The following ASB15 variants were observed in gnomAD, a reference collection of about 807,000 sequenced individuals.
ASB15 encodes ankyrin repeat and SOCS box protein 15.
A neutral mutation model predicts 58.0 loss-of-function variants in ASB15; 54 were observed. The observed-to-expected ratio is 0.93, with a 90% CI of 0.75 to 1.17. The LOEUF (loss-of-function observed/expected upper bound fraction) is 1.17, where lower values mean the gene tolerates loss of function less well. ASB15 is among the 50% of genes most tolerant of loss of function. The pLI is 0.00. For missense variants in ASB15, 680 were observed against 707.4 expected (o/e 0.96, Z 0.44); for synonymous variants, 249 against 262.4 (o/e 0.95, Z 0.50).
chr7:123,637,682 T>A lies in ASB15; in HGVS notation c.*701T>A, dbSNP rs538642122. The A allele has an allele frequency of 6.6e-6, 1 of 152,034 alleles. No individual in the cohort carries two copies. The highest frequency in any genetic ancestry group is 1.9e-4 in the East Asian group (1 of 5,170). 9.4% of individuals were successfully genotyped at this position (152,034 alleles called of 1,614,324 possible). A position where few individuals can be genotyped will look rare whatever the true frequency, so the allele number is the denominator to read the frequency against. ...TCTTCTCTTTGTTCTTTAAGTTATA[T>A]ATCCTAAGCCCTCTTTGCTTTGTTC... is the stretch of plus-strand genomic sequence containing the variant. On this transcript the variant is annotated 3_prime_UTR_variant, in exon 12 of 12. Transcript: ENST00000451215.
upstream of ASB15, among the ~76,000 whole-genome samples, chr7:123,598,070 T>A (rs1360205557): frequency 6.6e-6 from 1 of 151,908 alleles, no homozygotes; most frequent in Admixed American, 6.6e-5. Context: ...GTCCCACCCA[T>A]CATGACACTC....
chr7:123,630,321 A>G (rs762402499), intron 11 of ASB15, among the ~76,000 whole-genome samples: 10 of 152,218 alleles, frequency 6.6e-5, no homozygotes, highest in Non-Finnish European at 1.3e-4. Context: ...TTGTAATTGT[A>G]TAATGAGTAA....
At chr7:123,597,781 A>C (rs891577123), upstream of ASB15, among the ~76,000 whole-genome samples, 1 of 152,156 alleles carries the variant, frequency 6.6e-6, no homozygotes, top group Non-Finnish European at 1.5e-5. Flanking sequence ...CAGTGAGCTG[A>C]GATCGCACCA....
intron 10 of ASB15, 110 bp from the exon 11 acceptor site, chr7:123,629,856 G>T (rs559025659): frequency 6.1e-6 from 5 of 813,456 alleles, no homozygotes; most frequent in Non-Finnish European, 9.3e-6. Context: ...TACAAGGAGA[G>T]ATCTTTTATT....
intron 1 of ASB15, among the ~76,000 whole-genome samples, chr7:123,595,718 A>G (rs553478914): frequency 1.3e-5 from 2 of 152,184 alleles, no homozygotes; most frequent in Admixed American, 1.3e-4. Context: ...ACATTCATCT[A>G]CTTCTCTGGA....
chr7:123,593,223 C>T (rs551941445), intron 1 of ASB15, among the ~76,000 whole-genome samples: 1 of 152,210 alleles, frequency 6.6e-6, no homozygotes, highest in South Asian at 2.1e-4. Context: ...GACTTTTTAT[C>T]CAATTTGCCA....
intron 11 of ASB15, among the ~76,000 whole-genome samples, chr7:123,631,777 G>A (rs576152452): frequency 1.1e-4 from 16 of 152,180 alleles, no homozygotes; most frequent in African/African-American, 3.1e-4. Flanking sequence ...AAAACTAAAT[G>A]CAAATAAAAA....
upstream of ASB15, among the ~76,000 whole-genome samples, chr7:123,597,660 C>T (rs138475113): frequency 3.1e-4 from 47 of 151,908 alleles, no homozygotes; most frequent in East Asian, 4.7e-3. Context: ...GGTGAAACCC[C>T]GTATCTACTA....
chr7:123,573,949 A>G (rs1476439878), intron 1 of ASB15, among the ~76,000 whole-genome samples: 1 of 152,124 alleles, frequency 6.6e-6, no homozygotes, highest in African/African-American at 2.4e-5. Flanking sequence ...CAAATTTACA[A>G]TATTATTTTA....
At chr7:123,622,239 A>G (rs1801377355) in intron 7 of ASB15, among the ~76,000 whole-genome samples, 1 of 152,128 alleles carries the variant, frequency 6.6e-6, no homozygotes, top group African/African-American at 2.4e-5. Flanking sequence ...AATTCTAAAG[A>G]ATTCTAGATT....
At chr7:123,634,368 A>G (rs765427439) in intron 11 of ASB15, among the ~76,000 whole-genome samples, 49 of 152,226 alleles carry the variant, frequency 3.2e-4, no homozygotes, top group Non-Finnish European at 6.5e-4. Context: ...ATGTCCCTGC[A>G]AAGGACATGA....
At chr7:123,607,788 T>G (rs1800221956) in intron 2 of ASB15, among the ~76,000 whole-genome samples, 1 of 152,206 alleles carries the variant, frequency 6.6e-6, no homozygotes, top group South Asian at 2.1e-4. Context: ...GGCCCGGCCT[T>G]CTTCCTAGAC....
chr7:123,586,343 C>T (rs1288346758), intron 1 of ASB15, among the ~76,000 whole-genome samples: 1 of 151,638 alleles, frequency 6.6e-6, no homozygotes, highest in Non-Finnish European at 1.5e-5. Flanking sequence ...TGTTGAGGAC[C>T]TTTTCACTCC....
chr7:123,639,118 AT>A lies in ASB15; in HGVS notation c.*2142del, dbSNP rs879892932. 2.3e-3 allele frequency: 355 copies of A among 152,026 alleles called. 2 individuals are homozygous for A. Among genetic ancestry groups the A allele is most frequent in the Non-Finnish European group, 4.1e-3 (282 of 67,964 alleles). 9.4% of individuals were successfully genotyped at this position (152,026 alleles called of 1,614,324 possible). On this transcript the variant is annotated 3_prime_UTR_variant, in exon 12 of 12. Coordinates refer to ENST00000451215, the MANE Select transcript of ASB15 (RefSeq NM_001290258.2). ...TTAATAGTGTATTTTTCTTATATTTATTTTTACCTTGTTACCGTATTCTTTA... is the reference window on the plus strand; with the variant it reads ...TTAATAGTGTATTTTTCTTATATTTATTTTACCTTGTTACCGTATTCTTTA...
chr7:123,631,179 T>C (rs1213621001), intron 11 of ASB15, among the ~76,000 whole-genome samples: 1 of 152,182 alleles, frequency 6.6e-6, no homozygotes, highest in Non-Finnish European at 1.5e-5. Context: ...CCATCCTAGT[T>C]GTGTGACTTT....
At chr7:123,572,086 C>T (rs1474531973) in intron 1 of ASB15, among the ~76,000 whole-genome samples, 1 of 149,854 alleles carries the variant, frequency 6.7e-6, no homozygotes, top group Non-Finnish European at 1.5e-5. Context: ...GTGTGCCAGA[C>T]CAGTTGTCTT....
chr7:123,631,336 A>C (rs554885092), intron 11 of ASB15, among the ~76,000 whole-genome samples: 1 of 152,284 alleles, frequency 6.6e-6, no homozygotes, highest in Admixed American at 6.5e-5. Flanking sequence ...TTACTTAATA[A>C]ATTTATTTAG....
chr7:123,589,895 G>T (rs966720169), intron 1 of ASB15, among the ~76,000 whole-genome samples: 3 of 151,994 alleles, frequency 2.0e-5, no homozygotes, highest in African/African-American at 7.2e-5. Flanking sequence ...GAATCGCCAC[G>T]CTGTCTTCCA....
In ASB15 at chr7:123,637,234, G is replaced by C; in HGVS notation, c.*253G>C. The C allele has an allele frequency of 4.0e-6, 1 of 249,902 alleles. No individual in the cohort carries two copies. Among genetic ancestry groups the C allele is most frequent in the Non-Finnish European group, 7.7e-6 (1 of 130,586 alleles). The allele number at this position is 249,902 out of a possible 1,614,324, so 15.5% of individuals were successfully genotyped here. ...GTCATCAAACTCTCCCTATCAAGTG[G>C]CTCCTACAATATCCACAATCAAGTC... is the stretch of plus-strand genomic sequence containing the variant. On this transcript the variant is annotated 3_prime_UTR_variant, in exon 12 of 12. Coordinates refer to ENST00000451215, the MANE Select transcript of ASB15 (RefSeq NM_001290258.2).
Sources: gnomAD v4.1 joint callset for allele counts (sites outside exome capture counted in the v4.1 genomes callset) on GRCh38, gnomAD v4.1.1 for gene constraint, MANE v1.5 for transcripts, NCBI Gene and HGNC (gene_info 2026-07-23, HGNC 2026-07-21) for gene names.